Variants in BICC1 observed in about 807,000 individuals in gnomAD.
BICC1 encodes the protein protein bicaudal C homolog 1.
BICC1 carries 43 observed loss-of-function variants against 111.0 expected under a neutral mutation model. That is an observed-to-expected ratio of 0.39 (90% CI 0.30 to 0.50). The LOEUF (loss-of-function observed/expected upper bound fraction) is 0.50, where lower values mean the gene tolerates loss of function less well. BICC1 is among the 20% of genes least tolerant of loss of function. The pLI is 0.88. For synonymous variants in BICC1, 467 were observed against 434.4 expected, an observed-to-expected ratio of 1.07 and a Z score of -0.93; for missense variants, 1,091 against 1,203.2, an observed-to-expected ratio of 0.91 and a Z score of 1.38.
At chr10:58,613,980 T>A (rs956748441) in intron 1 of BICC1, among the ~76,000 whole-genome samples, 16 of 152,232 alleles carry the variant, frequency 1.1e-4, no homozygotes, top group African/African-American at 3.9e-4. Context: ...TTATTTTTTT[T>A]AAATGAGCAT....
chr10:58,535,872 G>A (rs971157771), intron 1 of BICC1, among the ~76,000 whole-genome samples: 1 of 151,254 alleles, frequency 6.6e-6, no homozygotes, highest in African/African-American at 2.4e-5. Context: ...AAGGGAAAAG[G>A]GTGGAAAAAG....
At chr10:58,520,925 C>A (rs1479201266) in intron 1 of BICC1, among the ~76,000 whole-genome samples, 1 of 152,002 alleles carries the variant, frequency 6.6e-6, no homozygotes, top group African/African-American at 2.4e-5. Context: ...ATGTCAGGTG[C>A]AGTGTTGAGC....
At chr10:58,677,230 A>C (rs1034086529) in intron 2 of BICC1, among the ~76,000 whole-genome samples, 5 of 152,232 alleles carry the variant, frequency 3.3e-5, no homozygotes, top group Non-Finnish European at 1.5e-5. Context: ...TAGGCTTCAG[A>C]AGGTAGGTAA....
intron 1 of BICC1, among the ~76,000 whole-genome samples, chr10:58,583,640 A>G (rs1426671764): frequency 6.6e-5 from 10 of 151,402 alleles, no homozygotes; most frequent in Non-Finnish European, 7.4e-5. Flanking sequence ...ATACACACAC[A>G]TACCACATTT....
At chr10:58,641,513 C>T (rs932894234) in intron 2 of BICC1, among the ~76,000 whole-genome samples, 4 of 151,642 alleles carry the variant, frequency 2.6e-5, no homozygotes, top group Admixed American at 2.6e-4. Flanking sequence ...TTACCAAATA[C>T]ATTTCAAGCA....
At chr10:58,798,265 A>G (rs1843420485) in intron 10 of BICC1, 134 bp from the exon 11 acceptor site, 1 of 694,844 alleles carries the variant, frequency 1.4e-6, no homozygotes, top group African/African-American at 1.9e-5. Context: ...TTGAAAGAAA[A>G]TCTGTCATCC....
intron 8 of BICC1, among the ~76,000 whole-genome samples, chr10:58,791,109 T>G (rs1008518099): frequency 1.3e-5 from 2 of 152,234 alleles, no homozygotes; most frequent in Admixed American, 1.3e-4. Context: ...ATCCACGATT[T>G]TAAGAAATTT....
At chr10:58,575,755 GGC>G (rs1844093729) in intron 1 of BICC1, among the ~76,000 whole-genome samples, 1 of 151,816 alleles carries the variant, frequency 6.6e-6, no homozygotes, top group African/African-American at 2.4e-5. Context: ...GTCTTCTGAT[GGC>G]TTTGTTTCTG....
intron 1 of BICC1, among the ~76,000 whole-genome samples, chr10:58,605,659 A>G (rs896212910): frequency 6.6e-6 from 1 of 152,222 alleles, no homozygotes; most frequent in Non-Finnish European, 1.5e-5. Context: ...ATTACTTACA[A>G]TACCTGATAC....
At chr10:58,746,519 G>A (rs1238782191) in intron 3 of BICC1, among the ~76,000 whole-genome samples, 1 of 152,066 alleles carries the variant, frequency 6.6e-6, no homozygotes, top group Non-Finnish European at 1.5e-5. Flanking sequence ...TAAGAAGGGG[G>A]AAAATGATTG....
intron 1 of BICC1, among the ~76,000 whole-genome samples, chr10:58,583,325 C>A (rs7474570): frequency 4.9e-4 from 74 of 151,824 alleles, no homozygotes; most frequent in Non-Finnish European, 7.8e-4. Flanking sequence ...CTTGGTGTAC[C>A]CATCACCCAA....
At chr10:58,653,854 T>C (rs1252846931) in intron 2 of BICC1, among the ~76,000 whole-genome samples, 1 of 124,458 alleles carries the variant, frequency 8.0e-6, no homozygotes, top group Admixed American at 9.5e-5. Context: ...ACCACAGTCC[T>C]CAGAGTGTGA....
At chr10:58,602,306 A>G (rs966848105) in intron 1 of BICC1, among the ~76,000 whole-genome samples, 2 of 152,206 alleles carry the variant, frequency 1.3e-5, no homozygotes, top group Admixed American at 6.5e-5. Flanking sequence ...AGTATGACCA[A>G]TGTGTTTGCA....
In BICC1 at chr10:58,831,339, G is replaced by A. The variant is rs1318427160; in HGVS notation, c.*2448G>A. 1 of 152,068 alleles carries A rather than the reference G, an allele frequency of 6.6e-6. No homozygotes were observed. The highest frequency in any genetic ancestry group is 1.5e-5 in the Non-Finnish European group (1 of 67,996). 9.4% of individuals were successfully genotyped at this position (152,068 alleles called of 1,614,324 possible). On this transcript the variant is annotated 3_prime_UTR_variant, in exon 21 of 21. Transcript: ENST00000373886. The stretch of plus-strand genomic sequence containing the variant: ...TTTAGTGATTTTTTTCCAAAAACGA[G>A]AGATGGAATTAACATTGAAAATGGG...
At chr10:58,548,414 A>G (rs1649064) in intron 1 of BICC1, among the ~76,000 whole-genome samples, 151,365 of 152,318 alleles carry the variant, frequency 0.99, 75,212 homozygotes, top group East Asian at 1. Flanking sequence ...TTCCCATTCC[A>G]TCACTGAGTG....
At chr10:58,736,954 C>G (rs938843862) in intron 3 of BICC1, among the ~76,000 whole-genome samples, 1 of 151,390 alleles carries the variant, frequency 6.6e-6, no homozygotes, top group African/African-American at 2.4e-5. Flanking sequence ...ATTTTTTTGT[C>G]TGGGGCATAG....
At chr10:58,554,612 T>C (rs1190847981) in intron 1 of BICC1, among the ~76,000 whole-genome samples, 1 of 151,970 alleles carries the variant, frequency 6.6e-6, no homozygotes, top group East Asian at 1.9e-4. Flanking sequence ...GGTGCAAACA[T>C]CAGAAAAAAA....
intron 3 of BICC1, among the ~76,000 whole-genome samples, chr10:58,728,757 G>T (rs1841193436): frequency 1.3e-5 from 2 of 152,056 alleles, no homozygotes; most frequent in African/African-American, 4.8e-5. Context: ...TATCCATGGG[G>T]TACAGAAGGA....
At chr10:58,603,131 G>A (rs1845096203) in intron 1 of BICC1, among the ~76,000 whole-genome samples, 1 of 152,110 alleles carries the variant, frequency 6.6e-6, no homozygotes, top group African/African-American at 2.4e-5. Flanking sequence ...AGCTCTTTTA[G>A]GTCATAATGA....
Sources: allele counts gnomAD v4.1 joint callset (sites outside exome capture counted in the v4.1 genomes callset), GRCh38; gene constraint gnomAD v4.1.1; transcripts MANE v1.5; gene names NCBI Gene and HGNC (gene_info 2026-07-23, HGNC 2026-07-21).